Variants in WWOX observed in about 807,000 individuals in gnomAD.
The protein encoded by WWOX is WW domain-containing oxidoreductase.
A neutral mutation model predicts 46.2 loss-of-function variants in WWOX; 69 were observed. The observed-to-expected ratio is 1.49, with a 90% CI of 1.23 to 1.82. The LOEUF (loss-of-function observed/expected upper bound fraction) is 1.82. WWOX is among the 40% of genes most tolerant of loss of function. The probability of loss-of-function intolerance (pLI) is 0.00; values close to 1 mark genes in which losing one functional copy is unlikely to be tolerated. For missense variants in WWOX, 919 were observed against 542.6 expected (o/e 1.69, Z -6.89); for synonymous variants, 359 against 202.6 (o/e 1.77, Z -6.56).
At chr16:78,556,340 T>G (rs1298405049) in intron 8 of WWOX, among the ~76,000 whole-genome samples, 1 of 151,684 alleles carries the variant, frequency 6.6e-6, no homozygotes, top group East Asian at 1.9e-4. Context: ...TTGCTGGCTG[T>G]CAGGATCTGG....
intron 8 of WWOX, among the ~76,000 whole-genome samples, chr16:79,117,612 T>A (rs761500719): frequency 6.8e-4 from 104 of 152,352 alleles, no homozygotes; most frequent in Admixed American, 3.3e-3. Context: ...CTAGACAGCA[T>A]CTTCTTCCAA....
chr16:78,624,303 G>C (rs1188299433), intron 8 of WWOX, among the ~76,000 whole-genome samples: 2 of 151,650 alleles, frequency 1.3e-5, no homozygotes, highest in Non-Finnish European at 2.9e-5. Context: ...CAACTGGCAG[G>C]GGCTCTGCAA....
intron 8 of WWOX, among the ~76,000 whole-genome samples, chr16:78,923,678 G>A (rs4888880): frequency 4.6e-5 from 7 of 151,536 alleles, no homozygotes; most frequent in African/African-American, 9.7e-5. Flanking sequence ...AAAATTAGTC[G>A]TGTGAACTTT....
intron 8 of WWOX, among the ~76,000 whole-genome samples, chr16:79,161,216 G>C (rs1287174595): frequency 6.6e-6 from 1 of 152,028 alleles, no homozygotes; most frequent in African/African-American, 2.4e-5. Context: ...CATGACATTT[G>C]AGTGCACACA....
At chr16:78,318,585 A>C (rs377676619) in intron 5 of WWOX, among the ~76,000 whole-genome samples, 1 of 152,188 alleles carries the variant, frequency 6.6e-6, no homozygotes, top group South Asian at 2.1e-4. Context: ...TGGATAAATT[A>C]ATAAAATCCT....
At chr16:79,149,031 T>A (rs1597420257) in intron 8 of WWOX, among the ~76,000 whole-genome samples, 1 of 152,012 alleles carries the variant, frequency 6.6e-6, no homozygotes, top group South Asian at 2.1e-4. Context: ...GCCCTTTTTT[T>A]ATTGCCTTAT....
intron 8 of WWOX, among the ~76,000 whole-genome samples, chr16:78,555,769 C>A (rs1214113661): frequency 1.3e-5 from 2 of 152,046 alleles, no homozygotes; most frequent in Non-Finnish European, 2.9e-5. Flanking sequence ...GCAAAAGAAG[C>A]CTCTTGTTTG....
Position 79,211,668 on chromosome 16 carries a change from G to C in WWOX, c.1117G>C (p.Gly373Arg). ...TGTCCCAGAACTGGAGGGTCTGGGA[G>C]GGATGTACTTCAACAACTGCTGCCG... Reference protein sequence around the residue: ...AAVPELEGLGGMYFNNCCRCM... With the variant: ...AAVPELEGLGRMYFNNCCRCM... The change falls in exon 9 of 9, where the codon GGG becomes CGG. Residue 373 changes from glycine (G) to arginine (R), a missense_variant. Gly to Arg is a moderately radical substitution (Grantham distance 125). Coordinates refer to ENST00000566780, the MANE Select transcript of WWOX (RefSeq NM_016373.4). 6.2e-7 allele frequency: 1 copy of C among 1,614,212 alleles called. No homozygotes were observed. The highest frequency in any genetic ancestry group is 8.5e-7 in the Non-Finnish European group (1 of 1,180,044).
At chr16:78,551,865 G>C (rs2044182170) in intron 8 of WWOX, 2 of 152,158 alleles carry the variant, frequency 1.3e-5, no homozygotes, top group Admixed American at 1.3e-4. Context: ...CCGTTCCAGG[G>C]TTAAGTGCCC....
intron 8 of WWOX, among the ~76,000 whole-genome samples, chr16:79,149,477 G>A (rs189258727): frequency 9.2e-5 from 14 of 152,216 alleles, no homozygotes; most frequent in Non-Finnish European, 1.9e-4. Flanking sequence ...GAAAACATCC[G>A]TCTCAGTTTA....
intron 8 of WWOX, among the ~76,000 whole-genome samples, chr16:78,578,243 C>A: frequency 1.2e-5 from 1 of 82,936 alleles, no homozygotes. Flanking sequence ...AATATATGTG[C>A]ATACCAAATT....
At chr16:78,849,870 C>T (rs1484858042) in intron 8 of WWOX, among the ~76,000 whole-genome samples, 1 of 152,032 alleles carries the variant, frequency 6.6e-6, no homozygotes, top group Non-Finnish European at 1.5e-5. Context: ...GTTGGGAGTT[C>T]GCGACCAGCC....
intron 8 of WWOX, among the ~76,000 whole-genome samples, chr16:78,917,468 C>G (rs1193405846): frequency 6.6e-6 from 1 of 151,478 alleles, no homozygotes; most frequent in East Asian, 1.9e-4. Context: ...GCTACCTACC[C>G]CGAGAGCTGG....
chr16:78,683,983 C>A (rs1173903440), intron 8 of WWOX, among the ~76,000 whole-genome samples: 1 of 152,194 alleles, frequency 6.6e-6, no homozygotes, highest in Non-Finnish European at 1.5e-5. Context: ...CCCTCCTGCA[C>A]AACTGTGGCG....
chr16:79,163,200 T>G (rs1408120329), intron 8 of WWOX, among the ~76,000 whole-genome samples: 1 of 151,380 alleles, frequency 6.6e-6, no homozygotes, highest in Non-Finnish European at 1.5e-5. Context: ...GAGGGAGAGA[T>G]TGGGAGGAGG....
chr16:78,554,565 A>G (rs919600616), intron 8 of WWOX, among the ~76,000 whole-genome samples: 1 of 152,222 alleles, frequency 6.6e-6, no homozygotes, highest in African/African-American at 2.4e-5. Flanking sequence ...ATATTGTATG[A>G]TACATATCCA....
Position 78,239,598 on chromosome 16 carries a change from G to A in WWOX, c.516+75309G>A, listed in dbSNP as rs527839621. On this transcript the variant is annotated intron_variant, in intron 5 of 8. Coordinates refer to ENST00000566780, the MANE Select transcript of WWOX (RefSeq NM_016373.4). ...CATACAGGCTGGAGTGCAGCAGCGCGATCTTGGCTCACTGCAACCTCCGCC... is the reference window on the plus strand; with the variant it reads ...CATACAGGCTGGAGTGCAGCAGCGCAATCTTGGCTCACTGCAACCTCCGCC... Among the ~76,000 whole-genome samples, 175 of 152,158 alleles carry A rather than the reference G, an allele frequency of 1.2e-3. 1 individual carries two copies. The highest frequency in any genetic ancestry group is 4.0e-3 in the African/African-American group (168 of 41,510).
Position 78,831,034 on chromosome 16 carries a change from G to A in WWOX, c.1057-380574G>A, listed in dbSNP as rs148951193. ...ATCACAGTGCTAGTGGAAGGGGAGGGCAGAATGTGATGTTTTGGGAGTGAA... is the reference window on the plus strand; with the variant it reads ...ATCACAGTGCTAGTGGAAGGGGAGGACAGAATGTGATGTTTTGGGAGTGAA... On this transcript the variant is annotated intron_variant, in intron 8 of 8. Coordinates refer to ENST00000566780, the MANE Select transcript of WWOX (RefSeq NM_016373.4). Among the ~76,000 whole-genome samples the A allele has an allele frequency of 5.3e-5, 8 of 152,310 alleles. No individual in the cohort carries two copies. The East Asian group carries it at 1.2e-3, about 22-fold the overall frequency.
chr16:78,876,555 C>G (rs1034643483), intron 8 of WWOX, among the ~76,000 whole-genome samples: 7 of 151,428 alleles, frequency 4.6e-5, no homozygotes, highest in Non-Finnish European at 8.8e-5. Flanking sequence ...CCCCTTTCTT[C>G]TCTCTCCCAG....
Sources: gnomAD v4.1 joint callset for allele counts (sites outside exome capture counted in the v4.1 genomes callset) on GRCh38, gnomAD v4.1.1 for gene constraint, MANE v1.5 for transcripts, NCBI Gene and HGNC (gene_info 2026-07-23, HGNC 2026-07-21) for gene names.